The following NF1 variants were observed in gnomAD, a reference collection of about 807,000 sequenced individuals.
NF1 encodes neurofibromin.
Under a neutral mutation model 325.7 loss-of-function variants are expected in NF1, and 122 were observed. The observed-to-expected ratio is 0.37, with a 90% CI of 0.32 to 0.44. NF1 has a LOEUF of 0.44. NF1 is among the 20% of genes least tolerant of loss of function. The pLI, the probability that NF1 is intolerant of heterozygous loss-of-function variation, is 1.00. For missense variants in NF1, 2,140 were observed against 3,415.4 expected (o/e 0.63, Z 9.31); for synonymous variants, 1,091 against 1,186.0 (o/e 0.92, Z 1.65).
At chr17:31,124,592 A>ATTTTTTT (rs35335433) in intron 1 of NF1, among the ~76,000 whole-genome samples, 10 of 62,940 alleles carry the variant, frequency 1.6e-4, no homozygotes, top group East Asian at 5.5e-4. Flanking sequence ...GTATTCTTGA[A>ATTTTTTT]TTTTTTTTTT....
chr17:31,299,841 C>T (rs2068538744), intron 36 of NF1, among the ~76,000 whole-genome samples: 1 of 150,846 alleles, frequency 6.6e-6, no homozygotes, highest in Non-Finnish European at 1.5e-5. Context: ...AAAACTCAGT[C>T]AATTATTTCC....
At chr17:31,225,354 A>G (rs1329747449) in intron 17 of NF1, 104 bp downstream of exon 17, 2 of 1,275,582 alleles carry the variant, frequency 1.6e-6, no homozygotes, top group African/African-American at 2.9e-5. Flanking sequence ...AATAGTGAAA[A>G]ACTGCTTAGA....
At chr17:31,240,568 T>C (rs1040984351) in intron 29 of NF1, among the ~76,000 whole-genome samples, 2 of 152,216 alleles carry the variant, frequency 1.3e-5, no homozygotes, top group Admixed American at 6.5e-5. Context: ...TTCAATATAC[T>C]GATTTCCTTT....
intron 1 of NF1, chr17:31,133,735 C>T (rs995611140): frequency 6.6e-6 from 1 of 152,270 alleles, no homozygotes; most frequent in Non-Finnish European, 1.5e-5. Flanking sequence ...GGGCTCACCG[C>T]AACCTCCGCC....
At chr17:31,108,350 C>T (rs1047036360) in intron 1 of NF1, among the ~76,000 whole-genome samples, 1 of 138,234 alleles carries the variant, frequency 7.2e-6, no homozygotes, top group Non-Finnish European at 1.5e-5. Context: ...TCTTGGCTCA[C>T]TGCAACCTCT....
At chr17:31,260,914 G>A (rs922647887) in intron 34 of NF1, among the ~76,000 whole-genome samples, 9 of 152,082 alleles carry the variant, frequency 5.9e-5, no homozygotes, top group South Asian at 2.1e-4. Context: ...AAACTCATTC[G>A]TGATACTCTT....
chr17:31,244,805 T>C (rs1000555284), intron 29 of NF1, among the ~76,000 whole-genome samples: 2 of 152,192 alleles, frequency 1.3e-5, no homozygotes, highest in Non-Finnish European at 2.9e-5. Context: ...TCAGTTCTTA[T>C]GAAGGTGCTT....
intron 1 of NF1, chr17:31,137,561 T>C (rs1013398571): frequency 1.3e-5 from 2 of 152,228 alleles, no homozygotes; most frequent in Non-Finnish European, 2.9e-5. Context: ...CCCATGCTAG[T>C]GTTTAGAATT....
intron 8 of NF1, among the ~76,000 whole-genome samples, chr17:31,185,118 A>G (rs2066215727): frequency 6.6e-6 from 1 of 152,144 alleles, no homozygotes; most frequent in Non-Finnish European, 1.5e-5. Flanking sequence ...GCGCTGCCTG[A>G]GGCAACAGGA....
At chr17:31,339,955 G>A (rs751812281) in intron 46 of NF1, among the ~76,000 whole-genome samples, 7 of 152,180 alleles carry the variant, frequency 4.6e-5, no homozygotes, top group Non-Finnish European at 1.0e-4. Context: ...TAATGGAGAA[G>A]CTTTTCAAAG....
chr17:31,185,892 C>T (rs1008370922), intron 8 of NF1, among the ~76,000 whole-genome samples: 13 of 152,164 alleles, frequency 8.5e-5, no homozygotes, highest in Admixed American at 5.2e-4. Flanking sequence ...TAAATCACAG[C>T]GGAGGCCTCT....
intron 1 of NF1, among the ~76,000 whole-genome samples, chr17:31,119,940 G>A (rs1914287471): frequency 6.6e-6 from 1 of 152,170 alleles, no homozygotes; most frequent in African/African-American, 2.4e-5. Context: ...TGTTATTTCT[G>A]AGGTATCTGT....
chr17:31,289,757 T>C (rs965703885), intron 36 of NF1, among the ~76,000 whole-genome samples: 1 of 152,190 alleles, frequency 6.6e-6, no homozygotes, highest in Non-Finnish European at 1.5e-5. Flanking sequence ...AAGAATGCTG[T>C]GATTTACCTA....
chr17:31,367,386 C>A, intron 57 of NF1: 1 of 628,982 alleles, frequency 1.6e-6, no homozygotes, highest in Non-Finnish European at 2.5e-6. Context: ...CTCAGTCTGC[C>A]TTAGGCACTT....
intron 48 of NF1, chr17:31,345,383 C>G: frequency 8.0e-7 from 1 of 1,242,376 alleles, no homozygotes; most frequent in Non-Finnish European, 1.1e-6. Flanking sequence ...CTCCTTCCCC[C>G]TGTAGGGGCG....
At chr17:31,177,269 T>G (rs754494155) in intron 5 of NF1, among the ~76,000 whole-genome samples, 2 of 152,146 alleles carry the variant, frequency 1.3e-5, no homozygotes, top group African/African-American at 2.4e-5. Flanking sequence ...GGTGATACTC[T>G]GGCAAACAGG....
chr17:31,172,685 C>A (rs540575990), intron 5 of NF1, among the ~76,000 whole-genome samples: 29 of 152,214 alleles, frequency 1.9e-4, no homozygotes, highest in African/African-American at 7.0e-4. Context: ...AGATTGAGTT[C>A]ACATCTGCTC....
chr17:31,230,109 A>G, intron 22 of NF1, 135 bp downstream of exon 22: 1 of 1,407,048 alleles, frequency 7.1e-7, no homozygotes, highest in Non-Finnish European at 1.0e-6. Flanking sequence ...ACAGTAAGGT[A>G]GCCAGAAGTT....
Position 31,206,309 on chromosome 17 carries a change from G to T in NF1, c.1330G>T (p.Gly444Cys), listed in dbSNP as rs1162173842. 1 of 1,613,820 alleles carries T rather than the reference G, an allele frequency of 6.2e-7. No homozygotes were observed. The highest frequency in any genetic ancestry group is 8.5e-7 in the Non-Finnish European group (1 of 1,179,794). ...CTCGGTTGAACTTCGAAATATGTTT[G>T]GTGAAACACTTCATAAAGCAGTGCA... ...CHSVELRNMFGETLHKAVQGC... is the reference protein window; with the variant it reads ...CHSVELRNMFCETLHKAVQGC... The change falls in exon 12 of 58, where the codon GGT becomes TGT. Residue 444 changes from glycine to cysteine, a missense_variant. Around this residue, in one of 10 missense-constraint regions of NF1, gnomAD observed 179 missense variants for 381.0 expected, o/e 0.47. Transcript: ENST00000358273.
Sources: gnomAD v4.1 joint callset for allele counts (sites outside exome capture counted in the v4.1 genomes callset) on GRCh38, gnomAD v4.1.1 for gene constraint, gnomAD v4.1.1 regional missense constraint, MANE v1.5 for transcripts, NCBI Gene and HGNC (gene_info 2026-07-23, HGNC 2026-07-21) for gene names.